The following PTPN3 variants were observed in gnomAD, a reference collection of about 807,000 sequenced individuals.
PTPN3 encodes protein tyrosine phosphatase non-receptor type 3.
In PTPN3, 96 loss-of-function variants were observed where a neutral mutation model predicts 132.7. The ratio of observed to expected loss-of-function variants is 0.72; its 90% confidence interval spans 0.61 to 0.86. PTPN3 has a LOEUF of 0.86. PTPN3 is among the 40% of genes least tolerant of loss of function. The pLI is 0.00. For missense variants in PTPN3, 1,125 were observed against 1,159.6 expected (o/e 0.97, Z 0.43); for synonymous variants, 398 against 429.0 (o/e 0.93, Z 0.89).
chr9:109,415,069 TCCATCCAA>T (rs1224368594), intron 14 of PTPN3, among the ~76,000 whole-genome samples: 78 of 116,342 alleles, frequency 6.7e-4, no homozygotes, highest in African/African-American at 1.8e-3. Context: ...CATCCGTCCG[TCCATCCAA>T]CCATCCATCC....
At chr9:109,412,887 T>C (rs991542181) in intron 14 of PTPN3, among the ~76,000 whole-genome samples, 1 of 152,184 alleles carries the variant, frequency 6.6e-6, no homozygotes, top group African/African-American at 2.4e-5. Context: ...ACTACTACTA[T>C]TACTATTGCT....
chr9:109,492,723 A>G (rs2132125989), intron 1 of PTPN3, among the ~76,000 whole-genome samples: 1 of 152,338 alleles, frequency 6.6e-6, no homozygotes, highest in East Asian at 1.9e-4. Flanking sequence ...TGCTCCAAAA[A>G]TGTAATTCTC....
Position 109,445,266 on chromosome 9 carries a change from A to G in PTPN3, c.440T>C (p.Val147Ala). Reference sequence around the variant, plus strand: ...TTGTACGGCATAGGACGCTAGAACCACTGCTGAGTTAAGAGGGCAGGTTAA... The same window carrying G: ...TTGTACGGCATAGGACGCTAGAACCGCTGCTGAGTTAAGAGGGCAGGTTAA... ...GRLTCPLNSA[V>A]VLASYAVQSH... The change falls in exon 7 of 26, where the codon GTG (valine) becomes GCG (alanine). Residue 147 changes from valine (V) to alanine (A), a missense_variant. Transcript: ENST00000374541. The G allele has an allele frequency of 6.2e-7, 1 of 1,613,866 alleles. No homozygotes were observed. Among genetic ancestry groups the G allele is most frequent in the Non-Finnish European group, 8.5e-7 (1 of 1,179,740 alleles).
At chr9:109,435,726 G>C (rs567105015) in intron 9 of PTPN3, among the ~76,000 whole-genome samples, 2 of 152,218 alleles carry the variant, frequency 1.3e-5, no homozygotes, top group Admixed American at 6.5e-5. Context: ...GCTCAACTCA[G>C]GCAGATATAA....
In PTPN3 at chr9:109,389,340, C is replaced by A; in HGVS notation, c.2146G>T (p.Ala716Ser). The A allele has an allele frequency of 6.2e-7, 1 of 1,613,882 alleles. No homozygotes were observed. The highest frequency in any genetic ancestry group is 8.5e-7 in the Non-Finnish European group (1 of 1,179,900). The change falls in exon 22 of 26, where the codon GCC becomes TCC. Residue 716 changes from alanine (A) to serine (S), a missense_variant. Transcript: ENST00000374541. ...GTATGCGGCAGGGGCCCCTGAGTGG[C>A]GATGTACTTGTTCACAAGGTTAGCA... ...PAANLVNKYI[A>S]TQGPLPHTCA...
At chr9:109,444,495 C>G (rs1006844786) in intron 7 of PTPN3, among the ~76,000 whole-genome samples, 7 of 152,066 alleles carry the variant, frequency 4.6e-5, no homozygotes, top group Admixed American at 4.6e-4. Flanking sequence ...TTGAGATGTA[C>G]CGTCAGTGTA....
At chr9:109,397,023 T>C (rs1840662692) in intron 19 of PTPN3, among the ~76,000 whole-genome samples, 1 of 151,486 alleles carries the variant, frequency 6.6e-6, no homozygotes, top group South Asian at 2.1e-4. Flanking sequence ...AAAAGGGGAA[T>C]TCCTGAAGGC....
intron 19 of PTPN3, among the ~76,000 whole-genome samples, chr9:109,393,382 G>GCCTTTT (rs1840293122): frequency 1.5e-5 from 2 of 132,062 alleles, no homozygotes; most frequent in African/African-American, 2.8e-5. Flanking sequence ...GGTTTTTTTT[G>GCCTTTT]TCTTTTTTTT....
At chr9:109,505,973 G>A in the PTPN3 span, among the ~76,000 whole-genome samples, 2 of 151,624 alleles carry the variant, frequency 1.3e-5, no homozygotes. Flanking sequence ...GGATGGTCTC[G>A]ATCTCCTGAC....
At chr9:109,426,883 T>C in intron 12 of PTPN3, 67 bp downstream of exon 12, 1 of 1,489,164 alleles carries the variant, frequency 6.7e-7, no homozygotes, top group African/African-American at 1.4e-5. Context: ...ATGTCCTCTA[T>C]TCACTGATGA....
Position 109,450,706 on chromosome 9 carries a change from C to G in PTPN3, c.369-1851G>C, listed in dbSNP as rs979968256. The G allele has an allele frequency of 4.1e-5, 40 of 985,260 alleles. No homozygotes were observed. In the South Asian group the frequency reaches 1.7e-3, roughly 42 times the overall value. The allele number at this position is 985,260 out of a possible 1,614,324, so 61.0% of individuals were successfully genotyped here. ...ATCAGAAACAGCAGTTGTGGAGGCT[C>G]ACAATGAAGAAGATATTTATTTAAC... is the stretch of plus-strand genomic sequence containing the variant. On this transcript the variant is annotated intron_variant, in intron 5 of 25. Transcript: ENST00000374541.
intron 19 of PTPN3, among the ~76,000 whole-genome samples, chr9:109,395,690 G>GGTGGGAGGATTGCTTGAGC (rs1378561163): frequency 5.3e-5 from 8 of 152,080 alleles, no homozygotes; most frequent in African/African-American, 1.9e-4. Flanking sequence ...GGGAGGCTGA[G>GGTGGGAGGATTGCTTGAGC]GTGGGAGGAT....
At chr9:109,380,285 C>A (rs563355399) in intron 25 of PTPN3, among the ~76,000 whole-genome samples, 2 of 151,188 alleles carry the variant, frequency 1.3e-5, no homozygotes, top group African/African-American at 4.9e-5. Flanking sequence ...AGACAGAGTC[C>A]TGTTCTGTCA....
At chr9:109,419,563 T>C (rs1357534884) in intron 14 of PTPN3, among the ~76,000 whole-genome samples, 1 of 152,078 alleles carries the variant, frequency 6.6e-6, no homozygotes, top group Non-Finnish European at 1.5e-5. Context: ...CTTAAAAAAA[T>C]GATTTGCGAG....
intron 9 of PTPN3, among the ~76,000 whole-genome samples, chr9:109,434,166 C>G (rs1000152166): frequency 2.6e-5 from 4 of 152,228 alleles, no homozygotes; most frequent in African/African-American, 9.6e-5. Context: ...CTCTGAGAGA[C>G]AGGGTCTTGC....
At chr9:109,391,407 G>T in intron 20 of PTPN3, 64 bp downstream of exon 20, 1 of 1,509,810 alleles carries the variant, frequency 6.6e-7, no homozygotes, top group African/African-American at 1.4e-5. Flanking sequence ...CAGACAATCT[G>T]TTTTAAAAAG....
At chr9:109,534,114 A>C in the PTPN3 span, 1 of 787,326 alleles carries the variant, frequency 1.3e-6, no homozygotes, top group Non-Finnish European at 2.3e-6. Flanking sequence ...TGATGAAAGC[A>C]TATCCGTTCC....
At chr9:109,490,288 C>G (rs1235275808) in intron 1 of PTPN3, among the ~76,000 whole-genome samples, 3 of 152,234 alleles carry the variant, frequency 2.0e-5, no homozygotes, top group Non-Finnish European at 4.4e-5. Flanking sequence ...TCCCCTTGCA[C>G]CTCCTTCCAT....
chr9:109,473,482 A>T (rs1377056851), intron 1 of PTPN3, among the ~76,000 whole-genome samples: 1 of 152,228 alleles, frequency 6.6e-6, no homozygotes, highest in Non-Finnish European at 1.5e-5. Flanking sequence ...GTTATACTTG[A>T]TCCTGGCAGG....
Sources: gnomAD v4.1 joint callset for allele counts (sites outside exome capture counted in the v4.1 genomes callset) on GRCh38, gnomAD v4.1.1 for gene constraint, MANE v1.5 for transcripts, NCBI Gene and HGNC (gene_info 2026-07-23, HGNC 2026-07-21) for gene names.